RABGAP1L: variants seen among roughly 807,000 people sequenced by gnomAD.
The protein encoded by RABGAP1L is rab GTPase-activating protein 1-like.
Under a neutral mutation model 137.7 loss-of-function variants are expected in RABGAP1L, and 63 were observed. That is an observed-to-expected ratio of 0.46 (90% CI 0.37 to 0.56). The LOEUF (loss-of-function observed/expected upper bound fraction) is 0.56, where lower values mean the gene tolerates loss of function less well. Among genes scored for constraint, RABGAP1L ranks in the 20% least tolerant of loss-of-function variants. The probability of loss-of-function intolerance (pLI) is 0.00; values close to 1 mark genes in which losing one functional copy is unlikely to be tolerated. For missense variants in RABGAP1L, 1,095 were observed against 1,244.0 expected, an observed-to-expected ratio of 0.88 and a Z score of 1.80; for synonymous variants, 431 against 433.7, an observed-to-expected ratio of 0.99 and a Z score of 0.08.
chr1:174,989,088 G>T (rs886832185), intron 25 of RABGAP1L, among the ~76,000 whole-genome samples: 1 of 151,760 alleles, frequency 6.6e-6, no homozygotes, highest in Non-Finnish European at 1.5e-5. Context: ...GCATATGCTT[G>T]TTTTTTTTAC....
intron 18 of RABGAP1L, among the ~76,000 whole-genome samples, chr1:174,773,349 G>A (rs1686274848): frequency 6.6e-6 from 1 of 152,104 alleles, no homozygotes; most frequent in Non-Finnish European, 1.5e-5. Flanking sequence ...AACATAGTGA[G>A]ACCCGTTATC....
intron 10 of RABGAP1L, among the ~76,000 whole-genome samples, chr1:174,295,520 C>A (rs533300304): frequency 6.6e-6 from 1 of 152,086 alleles, no homozygotes; most frequent in East Asian, 1.9e-4. Flanking sequence ...GCAGCTGGGA[C>A]TACAGGTGGC....
chr1:174,731,606 G>C (rs901551628), intron 17 of RABGAP1L, among the ~76,000 whole-genome samples: 1 of 152,170 alleles, frequency 6.6e-6, no homozygotes, highest in Non-Finnish European at 1.5e-5. Context: ...ACTCCAACTT[G>C]AGAATTTTCT....
chr1:174,643,788 A>G (rs1180603150), intron 14 of RABGAP1L, among the ~76,000 whole-genome samples: 1 of 152,094 alleles, frequency 6.6e-6, no homozygotes, highest in East Asian at 1.9e-4. Flanking sequence ...TTCATTTTAG[A>G]TGAATTGTCC....
At chr1:174,784,010 TC>T (rs1365577811) in intron 18 of RABGAP1L, among the ~76,000 whole-genome samples, 4 of 120,206 alleles carry the variant, frequency 3.3e-5, no homozygotes, top group South Asian at 2.6e-4. Context: ...TTCTTCTTCT[TC>T]TTTTTTTTTT....
chr1:174,598,578 G>T (rs1670163428), intron 13 of RABGAP1L, among the ~76,000 whole-genome samples: 1 of 152,008 alleles, frequency 6.6e-6, no homozygotes, highest in Non-Finnish European at 1.5e-5. Context: ...TTATATATCT[G>T]GGTGCTTCAG....
intron 19 of RABGAP1L, among the ~76,000 whole-genome samples, chr1:174,955,687 A>G (rs1668404847): frequency 2.6e-5 from 4 of 152,222 alleles, no homozygotes; most frequent in Admixed American, 2.6e-4. Flanking sequence ...ACTGAGGGCA[A>G]CACATCATCC....
At chr1:174,291,287 C>A (rs1676582134) in intron 10 of RABGAP1L, among the ~76,000 whole-genome samples, 1 of 151,488 alleles carries the variant, frequency 6.6e-6, no homozygotes, top group Non-Finnish European at 1.5e-5. Context: ...AAACATTAAG[C>A]CAACCTTGCA....
At chr1:174,550,999 C>CACATATATATATATAT (rs1349225848) in intron 13 of RABGAP1L, among the ~76,000 whole-genome samples, 1 of 86,372 alleles carries the variant, frequency 1.2e-5, no homozygotes, top group African/African-American at 8.3e-5. Context: ...TATATATACA[C>CACATATATATATATAT]ATATATATAT....
chr1:174,838,596 G>A (rs927029770), intron 19 of RABGAP1L, among the ~76,000 whole-genome samples: 1 of 152,096 alleles, frequency 6.6e-6, no homozygotes, highest in African/African-American at 2.4e-5. Flanking sequence ...TTATTTGATA[G>A]GAGCAAACAC....
At chr1:174,289,492 G>C (rs921272899) in intron 10 of RABGAP1L, among the ~76,000 whole-genome samples, 1 of 152,048 alleles carries the variant, frequency 6.6e-6, no homozygotes, top group Non-Finnish European at 1.5e-5. Context: ...ATTTGTTTAG[G>C]GTCAGTTATT....
At chr1:174,426,304 A>T (rs948296621) in intron 13 of RABGAP1L, among the ~76,000 whole-genome samples, 3 of 152,106 alleles carry the variant, frequency 2.0e-5, no homozygotes, top group Admixed American at 2.0e-4. Flanking sequence ...CTATAACTAG[A>T]TTCTCTCACA....
chr1:174,562,855 G>A (rs1423654240), intron 13 of RABGAP1L, among the ~76,000 whole-genome samples: 1 of 152,086 alleles, frequency 6.6e-6, no homozygotes, highest in South Asian at 2.1e-4. Flanking sequence ...GATCTGTGAG[G>A]GGCTGGGGGG....
At chr1:174,495,652 C>T (rs1193577146) in intron 13 of RABGAP1L, among the ~76,000 whole-genome samples, 1 of 152,062 alleles carries the variant, frequency 6.6e-6, no homozygotes, top group Non-Finnish European at 1.5e-5. Context: ...TCTTGTACAC[C>T]TTGCTTTTTT....
At chr1:174,584,105 G>A (rs1668939953) in intron 13 of RABGAP1L, among the ~76,000 whole-genome samples, 1 of 152,026 alleles carries the variant, frequency 6.6e-6, no homozygotes, top group Non-Finnish European at 1.5e-5. Flanking sequence ...GGGGTGGGGC[G>A]GGGAAGTCCC....
chr1:174,937,727 T>C (rs368443703), intron 19 of RABGAP1L, among the ~76,000 whole-genome samples: 1 of 476 alleles, frequency 2.1e-3, no homozygotes, highest in Admixed American at 0.02. Flanking sequence ...GATGGAGTCT[T>C]GCTTTATCAC....
chr1:174,227,161 T>G (rs1052454612), intron 3 of RABGAP1L, among the ~76,000 whole-genome samples: 3 of 152,088 alleles, frequency 2.0e-5, no homozygotes, highest in Non-Finnish European at 2.9e-5. Flanking sequence ...CCTAAAATAT[T>G]TATCATATGA....
intron 1 of RABGAP1L, among the ~76,000 whole-genome samples, chr1:174,193,903 A>G (rs1667385073): frequency 6.6e-6 from 1 of 152,210 alleles, no homozygotes; most frequent in African/African-American, 2.4e-5. Context: ...CAATAATTTT[A>G]TGTGTGCTGT....
chr1:174,784,094 G>A (rs191588917), intron 18 of RABGAP1L, among the ~76,000 whole-genome samples: 3,223 of 125,278 alleles, frequency 0.026, 55 homozygotes, highest in Middle Eastern at 0.14. Flanking sequence ...ATCTCGGCTC[G>A]CTACAAGCTC....
Sources: gnomAD v4.1 joint callset for allele counts (sites outside exome capture counted in the v4.1 genomes callset) on GRCh38, gnomAD v4.1.1 for gene constraint, MANE v1.5 for transcripts, NCBI Gene and HGNC (gene_info 2026-07-23, HGNC 2026-07-21) for gene names.